Variants in DNM3 observed in about 807,000 individuals in gnomAD.
DNM3 encodes dynamin-3.
A neutral mutation model predicts 101.6 loss-of-function variants in DNM3; 47 were observed. That is an observed-to-expected ratio of 0.46 (90% CI 0.37 to 0.59). The LOEUF is 0.59. Among genes scored for constraint, DNM3 ranks in the 20% least tolerant of loss-of-function variants. The pLI, the probability that DNM3 is intolerant of heterozygous loss-of-function variation, is 0.00. For synonymous variants in DNM3, 385 were observed against 387.9 expected (o/e 0.99, Z 0.09); for missense variants, 849 against 1,085.7 (o/e 0.78, Z 3.06).
At chr1:172,354,740 G>A (rs1380587070) in intron 17 of DNM3, among the ~76,000 whole-genome samples, 4 of 152,106 alleles carry the variant, frequency 2.6e-5, no homozygotes, top group Admixed American at 1.3e-4. Context: ...GGAAAGCAGA[G>A]GGCCTATGGT....
intron 14 of DNM3, among the ~76,000 whole-genome samples, chr1:172,183,628 T>C (rs2059420153): frequency 6.6e-6 from 1 of 151,936 alleles, no homozygotes; most frequent in Non-Finnish European, 1.5e-5. Flanking sequence ...TGTGATAGGG[T>C]CTCACCCTGT....
intron 13 of DNM3, among the ~76,000 whole-genome samples, chr1:172,098,943 G>A (rs2054442662): frequency 6.6e-6 from 1 of 152,170 alleles, no homozygotes; most frequent in Admixed American, 6.5e-5. Flanking sequence ...TGCAGGTTAG[G>A]GACTATCTGA....
intron 2 of DNM3, among the ~76,000 whole-genome samples, chr1:171,975,601 G>A (rs2044312603): frequency 6.6e-6 from 1 of 152,182 alleles, no homozygotes; most frequent in African/African-American, 2.4e-5. Context: ...TGTGCTTTTA[G>A]CAAAACATGT....
At chr1:172,233,665 AG>A (rs1435307881) in intron 14 of DNM3, among the ~76,000 whole-genome samples, 1 of 152,260 alleles carries the variant, frequency 6.6e-6, no homozygotes, top group African/African-American at 2.4e-5. Context: ...AACTGAATCC[AG>A]CAACACATCA....
intron 2 of DNM3, among the ~76,000 whole-genome samples, chr1:171,973,087 C>G (rs2044130773): frequency 2.0e-5 from 3 of 152,154 alleles, no homozygotes; most frequent in South Asian, 2.1e-4. Context: ...GATATGATTC[C>G]TATATTTTGG....
chr1:171,941,245 A>G (rs2041790636), intron 2 of DNM3, among the ~76,000 whole-genome samples: 1 of 152,176 alleles, frequency 6.6e-6, no homozygotes, highest in Admixed American at 6.6e-5. Flanking sequence ...ATATGTTCAA[A>G]TTGAGGATGG....
rs2149133116 is a variant in DNM3 at position 172,409,280 on chromosome 1, C to T, written c.*1439C>T. 1 of 985,334 alleles carries T rather than the reference C, an allele frequency of 1.0e-6. No homozygotes were observed. The highest frequency in any genetic ancestry group is 1.1e-4 in the East Asian group (1 of 8,816). 61.0% of individuals were successfully genotyped at this position (985,334 alleles called of 1,614,324 possible). The stretch of plus-strand genomic sequence containing the variant: ...AATCAGGTTTCACCAACTGAAATGT[C>T]TCCCTTTGAAAGTAGCAAACATGAT... On this transcript the variant is annotated 3_prime_UTR_variant, in exon 21 of 21. Transcript: ENST00000627582.
At chr1:172,142,212 C>A (rs1254555552) in intron 14 of DNM3, 1 of 151,876 alleles carries the variant, frequency 6.6e-6, no homozygotes, top group African/African-American at 2.4e-5. Flanking sequence ...ATTCCATGAT[C>A]CCTAAAATAT....
chr1:171,900,341 G>T (rs1386602819), intron 1 of DNM3, among the ~76,000 whole-genome samples: 1 of 152,068 alleles, frequency 6.6e-6, no homozygotes, highest in Non-Finnish European at 1.5e-5. Flanking sequence ...TTAGCAGGGG[G>T]TGGATGAAAC....
intron 14 of DNM3, among the ~76,000 whole-genome samples, chr1:172,161,068 T>C (rs1345495016): frequency 6.6e-6 from 1 of 151,956 alleles, no homozygotes; most frequent in Non-Finnish European, 1.5e-5. Flanking sequence ...TTAACTTTGG[T>C]CCGATGGCTG....
chr1:172,167,511 G>A (rs113861947), intron 14 of DNM3, among the ~76,000 whole-genome samples: 2 of 152,004 alleles, frequency 1.3e-5, no homozygotes, highest in Admixed American at 1.3e-4. Context: ...TTCCACCATG[G>A]TTGAACTAGT....
At chr1:172,398,152 T>C (rs1338866654) in intron 20 of DNM3, among the ~76,000 whole-genome samples, 1 of 152,216 alleles carries the variant, frequency 6.6e-6, no homozygotes, top group Non-Finnish European at 1.5e-5. Context: ...CTGACCATTG[T>C]CTTTAGCTCA....
At chr1:172,282,142 G>T (rs1191563804) in intron 15 of DNM3, among the ~76,000 whole-genome samples, 1 of 152,112 alleles carries the variant, frequency 6.6e-6, no homozygotes, top group Non-Finnish European at 1.5e-5. Context: ...CAAACTCAGG[G>T]CAGAGCTATG....
intron 10 of DNM3, among the ~76,000 whole-genome samples, chr1:172,054,133 A>G (rs1482269347): frequency 6.6e-6 from 1 of 152,226 alleles, no homozygotes; most frequent in Non-Finnish European, 1.5e-5. Context: ...TACAGTTTTC[A>G]TTTACAACTC....
rs200387309 is a variant in DNM3 at position 172,032,398 on chromosome 1, G to A, written c.590-4G>A. The A allele has an allele frequency of 8.7e-6, 14 of 1,607,944 alleles. No homozygotes were observed. Among genetic ancestry groups the A allele is most frequent in the Middle Eastern group, 1.6e-4 (1 of 6,068 alleles). ...GTGTAATGTTGGGTTTGTTTATGAT[G>A]CAGGTCTGAGAACCATTGGAGTTAT... On this transcript the variant is annotated splice_polypyrimidine_tract_variant and splice_region_variant and intron_variant, in intron 4 of 20. Coordinates refer to ENST00000627582, the MANE Select transcript of DNM3 (RefSeq NM_015569.5).
intron 15 of DNM3, among the ~76,000 whole-genome samples, chr1:172,283,388 A>G (rs1018030159): frequency 1.3e-5 from 2 of 151,922 alleles, no homozygotes; most frequent in African/African-American, 4.8e-5. Context: ...GTTACCTTAT[A>G]TTCTTTCTTG....
chr1:171,861,533 C>T (rs897738491), intron 1 of DNM3, among the ~76,000 whole-genome samples: 2 of 152,000 alleles, frequency 1.3e-5, no homozygotes, highest in East Asian at 1.9e-4. Flanking sequence ...GCAGTATATC[C>T]ATGTGCAAAA....
At chr1:171,903,693 C>T (rs1558240799) in intron 1 of DNM3, among the ~76,000 whole-genome samples, 1 of 152,268 alleles carries the variant, frequency 6.6e-6, no homozygotes, top group East Asian at 1.9e-4. Context: ...TTGATAAAGA[C>T]ATTTTTGTTG....
At chr1:172,028,660 C>T (rs1406255897) in intron 4 of DNM3, among the ~76,000 whole-genome samples, 1 of 151,846 alleles carries the variant, frequency 6.6e-6, no homozygotes, top group East Asian at 1.9e-4. Flanking sequence ...AAATAGACTG[C>T]TAGCCAGATT....
Sources: gnomAD v4.1 joint callset for allele counts (sites outside exome capture counted in the v4.1 genomes callset) on GRCh38, gnomAD v4.1.1 for gene constraint, MANE v1.5 for transcripts, NCBI Gene and HGNC (gene_info 2026-07-23, HGNC 2026-07-21) for gene names.